RORA: variants seen among roughly 807,000 people sequenced by gnomAD.
RORA encodes nuclear receptor ROR-alpha.
A neutral mutation model predicts 69.5 loss-of-function variants in RORA; 7 were observed. The observed-to-expected ratio is 0.10, with a 90% CI of 0.06 to 0.19. The LOEUF (loss-of-function observed/expected upper bound fraction) is 0.19. Among genes scored for constraint, RORA ranks in the 10% least tolerant of loss-of-function variants. The probability of loss-of-function intolerance (pLI) is 1.00; values close to 1 mark genes in which losing one functional copy is unlikely to be tolerated. For missense variants in RORA, 457 were observed against 663.0 expected (o/e 0.69, Z 3.41); for synonymous variants, 261 against 240.8 (o/e 1.08, Z -0.78).
At chr15:60,768,300 G>C (rs1453174027) in intron 1 of RORA, among the ~76,000 whole-genome samples, 1 of 152,188 alleles carries the variant, frequency 6.6e-6, no homozygotes, top group Non-Finnish European at 1.5e-5. Flanking sequence ...GCATGGAACA[G>C]GTAATGAGGA....
At chr15:60,767,380 C>A (rs563469002) in intron 1 of RORA, among the ~76,000 whole-genome samples, 132 of 152,286 alleles carry the variant, frequency 8.7e-4, no homozygotes, top group African/African-American at 3.0e-3. Context: ...TATGTCATCT[C>A]ATTTGATCTT....
At chr15:60,717,647 G>C (rs532186466) in intron 1 of RORA, among the ~76,000 whole-genome samples, 70 of 152,082 alleles carry the variant, frequency 4.6e-4, no homozygotes, top group African/African-American at 1.7e-3. Flanking sequence ...ACATTTTACT[G>C]AGCCCCTATT....
At chr15:61,151,962 T>TAG (rs1299319334) in intron 1 of RORA, among the ~76,000 whole-genome samples, 3 of 152,186 alleles carry the variant, frequency 2.0e-5, no homozygotes, top group Non-Finnish European at 2.9e-5. Flanking sequence ...CACTGTGCTC[T>TAG]AGAGTTGTGG....
At chr15:61,112,446 C>G (rs552343791) in intron 1 of RORA, among the ~76,000 whole-genome samples, 1 of 152,098 alleles carries the variant, frequency 6.6e-6, no homozygotes, top group East Asian at 1.9e-4. Context: ...AAGCCTCCCC[C>G]AGGGGGAGTG....
chr15:61,205,776 A>T (rs1243820018), intron 1 of RORA, among the ~76,000 whole-genome samples: 1 of 151,998 alleles, frequency 6.6e-6, no homozygotes. Flanking sequence ...GCTGCTTGCT[A>T]CCTCCCACCT....
chr15:61,144,406 C>T (rs1302092476), intron 1 of RORA, among the ~76,000 whole-genome samples: 1 of 152,172 alleles, frequency 6.6e-6, no homozygotes, highest in South Asian at 2.1e-4. Flanking sequence ...GTGTGTTCAG[C>T]GAAGGCTGAG....
At chr15:60,582,775 C>T (rs185791925) in intron 2 of RORA, among the ~76,000 whole-genome samples, 10 of 152,312 alleles carry the variant, frequency 6.6e-5, no homozygotes, top group Non-Finnish European at 1.0e-4. Context: ...TAGATTAATA[C>T]GCAGACCAGG....
chr15:60,774,132 G>C (rs535231048), intron 1 of RORA, among the ~76,000 whole-genome samples: 4 of 152,106 alleles, frequency 2.6e-5, no homozygotes, highest in Non-Finnish European at 5.9e-5. Flanking sequence ...AGGACCTGGC[G>C]GACACCCACA....
At chr15:60,516,214 T>A (rs1220316740) in intron 3 of RORA, among the ~76,000 whole-genome samples, 49 of 10,652 alleles carry the variant, frequency 4.6e-3, no homozygotes, top group African/African-American at 0.014. Context: ...TATATTTATA[T>A]ATATATATTT....
At chr15:60,549,727 T>C (rs2067176047) in intron 2 of RORA, among the ~76,000 whole-genome samples, 1 of 152,124 alleles carries the variant, frequency 6.6e-6, no homozygotes, top group South Asian at 2.1e-4. Flanking sequence ...ATTCAAACTA[T>C]AACGTCACTC....
At position 61,229,258 on chromosome 15, in the gene RORA, C is replaced by T. The variant is rs754786192; in HGVS notation, c.-40G>A. ...TAGAGATCGCTGGAGATGGCGAGCT[C>T]CGAGACTCCCTCTATCTTCTGTTTT... On this transcript the variant is annotated 5_prime_UTR_variant, in exon 1 of 11. Transcript: ENST00000335670. 3 of 1,182,448 alleles carry T rather than the reference C, an allele frequency of 2.5e-6. No homozygotes were observed. The highest frequency in any genetic ancestry group is 2.1e-6 in the Non-Finnish European group (2 of 937,342). The allele number at this position is 1,182,448 out of a possible 1,614,324, so 73.2% of individuals were successfully genotyped here. A position where few individuals can be genotyped will look rare whatever the true frequency, so the allele number is the denominator to read the frequency against.
chr15:60,710,004 G>A (rs2071121554), intron 1 of RORA, among the ~76,000 whole-genome samples: 1 of 152,054 alleles, frequency 6.6e-6, no homozygotes, highest in Non-Finnish European at 1.5e-5. Flanking sequence ...CTGCTGAGGA[G>A]GGAAGTAGTA....
chr15:61,216,588 A>G (rs1299683730), intron 1 of RORA, among the ~76,000 whole-genome samples: 1 of 152,116 alleles, frequency 6.6e-6, no homozygotes, highest in East Asian at 1.9e-4. Flanking sequence ...TGAGAGCACC[A>G]GGGCAAGGTG....
At chr15:60,895,476 T>A (rs1371317577) in intron 1 of RORA, among the ~76,000 whole-genome samples, 1 of 152,184 alleles carries the variant, frequency 6.6e-6, no homozygotes, top group Non-Finnish European at 1.5e-5. Flanking sequence ...AAATCCTCCG[T>A]CAGAGAGATT....
intron 1 of RORA, among the ~76,000 whole-genome samples, chr15:60,766,325 A>T (rs906081815): frequency 3.3e-5 from 5 of 152,244 alleles, no homozygotes; most frequent in African/African-American, 1.2e-4. Context: ...TTAATAAGAG[A>T]TTCCAAAATT....
intron 2 of RORA, among the ~76,000 whole-genome samples, chr15:60,628,918 G>T (rs543117620): frequency 6.6e-6 from 1 of 152,316 alleles, no homozygotes; most frequent in East Asian, 1.9e-4. Context: ...TGGAAAGGGG[G>T]TGGGTTTAGA....
intron 1 of RORA, among the ~76,000 whole-genome samples, chr15:60,968,075 A>G (rs1893606141): frequency 6.6e-6 from 1 of 152,228 alleles, no homozygotes; most frequent in Admixed American, 6.5e-5. Flanking sequence ...CATCAACTTA[A>G]GCACCAATAA....
At chr15:61,208,614 G>A (rs2079962970) in intron 1 of RORA, among the ~76,000 whole-genome samples, 1 of 152,088 alleles carries the variant, frequency 6.6e-6, no homozygotes, top group East Asian at 1.9e-4. Context: ...TTCTTTGGTG[G>A]TTCCTTTAAA....
At chr15:60,769,281 C>T (rs950667345) in intron 1 of RORA, among the ~76,000 whole-genome samples, 2 of 152,162 alleles carry the variant, frequency 1.3e-5, no homozygotes, top group African/African-American at 4.8e-5. Context: ...TCTCGATAAG[C>T]CTCTTGCAAA....
Sources: gnomAD v4.1 joint callset for allele counts (sites outside exome capture counted in the v4.1 genomes callset) on GRCh38, gnomAD v4.1.1 for gene constraint, MANE v1.5 for transcripts, NCBI Gene and HGNC (gene_info 2026-07-23, HGNC 2026-07-21) for gene names.